The following OLFM3 variants were observed in gnomAD, a reference collection of about 807,000 sequenced individuals.
OLFM3 encodes the protein noelin-3.
A neutral mutation model predicts 48.6 loss-of-function variants in OLFM3; 20 were observed. The ratio of observed to expected loss-of-function variants is 0.41; its 90% CI spans 0.29 to 0.60. OLFM3 has a LOEUF of 0.60. Among genes scored for constraint, OLFM3 ranks in the 20% least tolerant of loss-of-function variants. The probability of loss-of-function intolerance (pLI) is 0.28; values close to 1 mark genes in which losing one functional copy is unlikely to be tolerated. For synonymous variants in OLFM3, 222 were observed against 198.1 expected (o/e 1.12, Z -1.01); for missense variants, 437 against 544.3 (o/e 0.80, Z 1.96).
At chr1:101,909,968 A>G (rs1272635427) in intron 1 of OLFM3, 1 of 985,258 alleles carries the variant, frequency 1.0e-6, no homozygotes, top group Non-Finnish European at 1.2e-6. Flanking sequence ...TCAAGGTACC[A>G]CATAAGCATA....
intron 1 of OLFM3, among the ~76,000 whole-genome samples, chr1:101,939,139 T>C (rs966402679): frequency 6.6e-6 from 1 of 152,134 alleles, no homozygotes; most frequent in Non-Finnish European, 1.5e-5. Flanking sequence ...ACAAACACCA[T>C]CCAGTGCTAC....
chr1:101,817,200 G>T (rs1344048336), intron 4 of OLFM3, among the ~76,000 whole-genome samples: 1 of 152,062 alleles, frequency 6.6e-6, no homozygotes, highest in Non-Finnish European at 1.5e-5. Context: ...GACAAAGGGA[G>T]CCAGACAGAG....
intron 1 of OLFM3, among the ~76,000 whole-genome samples, chr1:101,921,862 A>G (rs1659105247): frequency 6.6e-6 from 1 of 152,130 alleles, no homozygotes; most frequent in African/African-American, 2.4e-5. Flanking sequence ...GTTCAAGACC[A>G]ACCTGGCCAA....
intron 1 of OLFM3, among the ~76,000 whole-genome samples, chr1:101,879,249 T>G (rs1432409941): frequency 1.3e-5 from 2 of 151,894 alleles, no homozygotes; most frequent in Non-Finnish European, 2.9e-5. Flanking sequence ...TCTTTTGATG[T>G]CTGTATGGCA....
At chr1:101,985,570 C>T (rs1661212123) in intron 1 of OLFM3, among the ~76,000 whole-genome samples, 1 of 152,186 alleles carries the variant, frequency 6.6e-6, no homozygotes, top group Non-Finnish European at 1.5e-5. Context: ...AACCATCCAT[C>T]AGCTCTGTTA....
At chr1:101,915,190 T>C (rs1037027844) in intron 1 of OLFM3, among the ~76,000 whole-genome samples, 1 of 152,166 alleles carries the variant, frequency 6.6e-6, no homozygotes, top group Non-Finnish European at 1.5e-5. Flanking sequence ...TACGCTAATA[T>C]CAAATTTCAT....
intron 1 of OLFM3, among the ~76,000 whole-genome samples, chr1:101,911,257 A>AG (rs958328699): frequency 2.1e-4 from 32 of 152,300 alleles, no homozygotes; most frequent in African/African-American, 7.2e-4. Context: ...AATAGGAAGG[A>AG]AGGGTAGCAG....
chr1:101,901,320 A>T (rs1658379843), intron 1 of OLFM3, among the ~76,000 whole-genome samples: 2 of 152,118 alleles, frequency 1.3e-5, no homozygotes, highest in African/African-American at 4.8e-5. Flanking sequence ...TATAGGACAA[A>T]GTAGAATTTC....
intron 2 of OLFM3, among the ~76,000 whole-genome samples, chr1:101,835,119 A>T (rs1458329381): frequency 6.6e-6 from 1 of 152,226 alleles, no homozygotes; most frequent in Non-Finnish European, 1.5e-5. Flanking sequence ...ACCTTAGTTT[A>T]TATAGAAAAA....
chr1:101,891,987 G>A (rs1658017550), intron 1 of OLFM3, among the ~76,000 whole-genome samples: 1 of 151,918 alleles, frequency 6.6e-6, no homozygotes, highest in Non-Finnish European at 1.5e-5. Context: ...ACTACGGATT[G>A]TAGAATTAGG....
At chr1:101,888,014 A>T (rs1657835618) in intron 1 of OLFM3, among the ~76,000 whole-genome samples, 1 of 152,126 alleles carries the variant, frequency 6.6e-6, no homozygotes, top group African/African-American at 2.4e-5. Flanking sequence ...AAAAATACTT[A>T]TATTGTTAAA....
At chr1:101,854,633 C>T (rs1430054849) in intron 1 of OLFM3, among the ~76,000 whole-genome samples, 1 of 152,006 alleles carries the variant, frequency 6.6e-6, no homozygotes, top group Non-Finnish European at 1.5e-5. Context: ...AAACCTTCAG[C>T]TTAGTCACTA....
At chr1:101,926,865 A>T (rs988669654) in intron 1 of OLFM3, among the ~76,000 whole-genome samples, 1 of 152,164 alleles carries the variant, frequency 6.6e-6, no homozygotes, top group African/African-American at 2.4e-5. Flanking sequence ...CTGGATTTTT[A>T]AAAGGCTTAC....
At chr1:101,837,547 T>C (rs1173011553) in intron 1 of OLFM3, 3 of 152,198 alleles carry the variant, frequency 2.0e-5, no homozygotes, top group Non-Finnish European at 4.4e-5. Flanking sequence ...AGGTTAAAAA[T>C]AATTAGACCA....
At chr1:101,831,789 G>A (rs923804770) in intron 2 of OLFM3, among the ~76,000 whole-genome samples, 3 of 152,200 alleles carry the variant, frequency 2.0e-5, no homozygotes, top group Non-Finnish European at 4.4e-5. Flanking sequence ...AGATTCCCAA[G>A]TGATTCCTAT....
intron 1 of OLFM3, among the ~76,000 whole-genome samples, chr1:101,845,568 C>T (rs1316779433): frequency 2.6e-5 from 4 of 152,092 alleles, no homozygotes; most frequent in African/African-American, 4.8e-5. Context: ...AAAATTGGCT[C>T]AGTAAATATT....
At chr1:101,900,050 T>C (rs544728845) in intron 1 of OLFM3, among the ~76,000 whole-genome samples, 5 of 152,310 alleles carry the variant, frequency 3.3e-5, no homozygotes, top group East Asian at 3.9e-4. Context: ...CTTGAAATAT[T>C]ATAGGATATT....
At chr1:101,968,022 C>T (rs1343920659) in intron 1 of OLFM3, among the ~76,000 whole-genome samples, 1 of 152,154 alleles carries the variant, frequency 6.6e-6, no homozygotes, top group Non-Finnish European at 1.5e-5. Context: ...CAGGAAGCCA[C>T]CTAGCCAGTT....
intron 1 of OLFM3, among the ~76,000 whole-genome samples, chr1:101,980,387 A>T (rs1465327013): frequency 6.6e-6 from 1 of 152,118 alleles, no homozygotes; most frequent in Admixed American, 6.6e-5. Context: ...CAAGGGTGGG[A>T]CAAAGTGGAG....
Sources: allele counts gnomAD v4.1 joint callset (sites outside exome capture counted in the v4.1 genomes callset), GRCh38; gene constraint gnomAD v4.1.1; transcripts MANE v1.5; gene names NCBI Gene and HGNC (gene_info 2026-07-23, HGNC 2026-07-21).